The following KANSL1L variants were observed in gnomAD, a reference collection of about 807,000 sequenced individuals.
The protein encoded by KANSL1L is KAT8 regulatory NSL complex subunit 1 like.
Under a neutral mutation model 108.6 loss-of-function variants are expected in KANSL1L, and 25 were observed. That is an observed-to-expected ratio of 0.23 (90% confidence interval 0.17 to 0.32). The LOEUF (loss-of-function observed/expected upper bound fraction) is 0.32. Ranked by LOEUF, KANSL1L falls within the 10% of genes least tolerant of loss-of-function variation. The pLI is 1.00. For synonymous variants in KANSL1L, 405 were observed against 395.1 expected, an observed-to-expected ratio of 1.03 and a Z score of -0.30; for missense variants, 1,137 against 1,125.7, an observed-to-expected ratio of 1.01 and a Z score of -0.14.
Position 210,043,854 on chromosome 2 carries a change from A to G in KANSL1L, c.1921+85T>C, listed in dbSNP as rs554159235. 9 of 930,906 alleles carry G rather than the reference A, an allele frequency of 9.7e-6. No homozygotes were observed. The South Asian group carries it at 2.1e-4, about 21-fold the overall frequency. 57.7% of individuals were successfully genotyped at this position (930,906 alleles called of 1,614,324 possible). ...CTACTGAAAAAAAATTGATAAAATAAGATTTATTAGATTCTCTGTATTTAG... is the reference window on the plus strand; with the variant it reads ...CTACTGAAAAAAAATTGATAAAATAGGATTTATTAGATTCTCTGTATTTAG... On this transcript the variant is annotated intron_variant, in intron 7 of 14. Coordinates refer to ENST00000281772, the MANE Select transcript of KANSL1L (RefSeq NM_152519.4).
intron 6 of KANSL1L, among the ~76,000 whole-genome samples, chr2:210,051,486 A>G (rs1178244810): frequency 6.6e-6 from 1 of 151,986 alleles, no homozygotes; most frequent in African/African-American, 2.4e-5. Flanking sequence ...TATATTTTTA[A>G]TTGGTTATTA....
chr2:210,149,206 A>G (rs2095285531), intron 2 of KANSL1L, among the ~76,000 whole-genome samples: 1 of 152,116 alleles, frequency 6.6e-6, no homozygotes, highest in Non-Finnish European at 1.5e-5. Flanking sequence ...GCTAGCCTCA[A>G]TGTTTATGTC....
chr2:210,080,045 C>T (rs2094577053), intron 5 of KANSL1L: 1 of 151,324 alleles, frequency 6.6e-6, no homozygotes, highest in South Asian at 2.1e-4. Context: ...TCTCCCTCAT[C>T]CACATTTTCC....
chr2:210,156,750 G>T (rs1459472211), intron 1 of KANSL1L, among the ~76,000 whole-genome samples: 1 of 151,946 alleles, frequency 6.6e-6, no homozygotes, highest in Admixed American at 6.6e-5. Context: ...AAGGGGATTT[G>T]CATTTTAACT....
At chr2:210,165,339 G>T (rs1687877182) in intron 1 of KANSL1L, among the ~76,000 whole-genome samples, 1 of 152,018 alleles carries the variant, frequency 6.6e-6, no homozygotes, top group Non-Finnish European at 1.5e-5. Context: ...CAAACTCAGT[G>T]TATCTCCGGT....
At chr2:210,146,197 C>A (rs1487815265) in intron 2 of KANSL1L, among the ~76,000 whole-genome samples, 2 of 152,128 alleles carry the variant, frequency 1.3e-5, no homozygotes, top group Non-Finnish European at 2.9e-5. Flanking sequence ...GCCAGTCTCC[C>A]CAGCTATCCT....
At chr2:210,067,927 G>A (rs1173859939) in intron 6 of KANSL1L, among the ~76,000 whole-genome samples, 1 of 151,574 alleles carries the variant, frequency 6.6e-6, no homozygotes, top group Non-Finnish European at 1.5e-5. Flanking sequence ...GCCCAGGCTG[G>A]AGTGCAGTGG....
intron 5 of KANSL1L, among the ~76,000 whole-genome samples, chr2:210,089,596 A>G (rs1178114641): frequency 2.0e-5 from 3 of 152,156 alleles, no homozygotes; most frequent in Admixed American, 2.0e-4. Flanking sequence ...AAGTAAACAA[A>G]ATATATAAAA....
chr2:210,159,426 C>G (rs1183162610), intron 1 of KANSL1L, among the ~76,000 whole-genome samples: 1 of 152,148 alleles, frequency 6.6e-6, no homozygotes, highest in East Asian at 1.9e-4. Context: ...TCTCCATTCC[C>G]TTACACTGCT....
chr2:210,076,983 A>T (rs2094547139), intron 5 of KANSL1L, among the ~76,000 whole-genome samples: 1 of 152,140 alleles, frequency 6.6e-6, no homozygotes, highest in South Asian at 2.1e-4. Context: ...AGTAAATATA[A>T]AATATGGTTT....
At chr2:210,119,917 C>CTG (rs1329716750) in intron 3 of KANSL1L, among the ~76,000 whole-genome samples, 4 of 152,070 alleles carry the variant, frequency 2.6e-5, no homozygotes, top group Non-Finnish European at 5.9e-5. Flanking sequence ...TCAGGCTACC[C>CTG]AACTTCAAAC....
chr2:210,024,285 T>G, intron 13 of KANSL1L, 84 bp from the exon 14 acceptor site: 1 of 1,037,784 alleles, frequency 9.6e-7, no homozygotes, highest in Non-Finnish European at 1.4e-6. Flanking sequence ...TATCACTGAG[T>G]CAAGTTAACT....
At chr2:210,137,529 A>G (rs2095185269) in intron 2 of KANSL1L, among the ~76,000 whole-genome samples, 1 of 152,220 alleles carries the variant, frequency 6.6e-6, no homozygotes, top group South Asian at 2.1e-4. Context: ...TGAATTACAT[A>G]CATTTTTAAA....
chr2:210,029,663 T>C (rs1320364913), intron 10 of KANSL1L, 140 bp downstream of exon 10: 3 of 408,128 alleles, frequency 7.4e-6, no homozygotes, highest in Admixed American at 5.2e-5. Flanking sequence ...AAATATATTG[T>C]TTTCTAACAA....
chr2:210,027,395 A>C, intron 11 of KANSL1L, 45 bp from the exon 12 acceptor site: 1 of 1,373,426 alleles, frequency 7.3e-7, no homozygotes, highest in Middle Eastern at 1.8e-4. Flanking sequence ...TATTTATTTA[A>C]ATGTGGCAAT....
At position 210,098,040 on chromosome 2, in the gene KANSL1L, T is replaced by C. The variant is rs371738926; in HGVS notation, c.1550+46A>G. 1.3e-4 allele frequency: 190 copies of C among 1,516,440 alleles called. 1 individual carries two copies. The African/African-American group carries it at 2.2e-3, about 18-fold the overall frequency. 93.9% of individuals were successfully genotyped at this position (1,516,440 alleles called of 1,614,324 possible). On this transcript the variant is annotated intron_variant, in intron 5 of 14. Coordinates refer to ENST00000281772, the MANE Select transcript of KANSL1L (RefSeq NM_152519.4). The stretch of plus-strand genomic sequence containing the variant: ...AAAACAAAATCAAAATAAGATAAAA[T>C]AGGCAAAGTTGAATTTAAAAGCTAA...
intron 2 of KANSL1L, among the ~76,000 whole-genome samples, chr2:210,141,594 C>A (rs2095229935): frequency 6.6e-6 from 1 of 152,076 alleles, no homozygotes; most frequent in African/African-American, 2.4e-5. Flanking sequence ...AAAATAATTT[C>A]TGTTGTTAAT....
intron 3 of KANSL1L, among the ~76,000 whole-genome samples, chr2:210,124,538 T>TA (rs887589495): frequency 2.3e-4 from 35 of 150,876 alleles, no homozygotes; most frequent in African/African-American, 6.6e-4. Flanking sequence ...GCTTGACATT[T>TA]AAAAAAAACA....
intron 7 of KANSL1L, among the ~76,000 whole-genome samples, chr2:210,041,163 G>A (rs1427642932): frequency 6.6e-6 from 1 of 151,998 alleles, no homozygotes; most frequent in African/African-American, 2.4e-5. Context: ...AATTTACTAT[G>A]TTTATATTCT....
Sources: allele counts gnomAD v4.1 joint callset (sites outside exome capture counted in the v4.1 genomes callset), GRCh38; gene constraint gnomAD v4.1.1; transcripts MANE v1.5; gene names NCBI Gene and HGNC (gene_info 2026-07-23, HGNC 2026-07-21).